The following TTC23L variants were observed in gnomAD, a reference collection of about 807,000 sequenced individuals.
TTC23L encodes the protein tetratricopeptide repeat domain 23 like.
In TTC23L, 42 loss-of-function variants were observed where a neutral mutation model predicts 48.1. The observed-to-expected ratio is 0.87, with a 90% CI of 0.68 to 1.13. The LOEUF is 1.13. TTC23L is among the 50% of genes most tolerant of loss of function. TTC23L has a pLI of 0.00. For synonymous variants in TTC23L, 159 were observed against 157.2 expected (o/e 1.01, Z -0.09); for missense variants, 391 against 421.0 (o/e 0.93, Z 0.62).
chr5:34,903,448 T>G (rs1004397784), downstream of TTC23L, among the ~76,000 whole-genome samples: 15 of 152,116 alleles, frequency 9.9e-5, no homozygotes, highest in Admixed American at 5.9e-4. Context: ...GCGGTACATT[T>G]GTGACAACTG....
At chr5:34,853,809 A>C (rs1759885956) in intron 4 of TTC23L, among the ~76,000 whole-genome samples, 1 of 152,200 alleles carries the variant, frequency 6.6e-6, no homozygotes, top group Admixed American at 6.5e-5. Context: ...AGAGACAAGT[A>C]CACTCCTTGG....
intron 3 of TTC23L, among the ~76,000 whole-genome samples, chr5:34,847,901 A>G (rs1208209200): frequency 6.6e-6 from 1 of 152,206 alleles, no homozygotes; most frequent in Non-Finnish European, 1.5e-5. Context: ...GGAATAACCT[A>G]TGGTACTGCT....
chr5:34,894,883 A>AATGATG (rs79554898), intron 9 of TTC23L, among the ~76,000 whole-genome samples: 4,531 of 150,900 alleles, frequency 0.03, 175 homozygotes, highest in African/African-American at 0.09. Context: ...TGAGAGTGTT[A>AATGATG]ATGATGATGA....
chr5:34,909,603 C>A, the TTC23L span, among the ~76,000 whole-genome samples: 1 of 152,120 alleles, frequency 6.6e-6, no homozygotes, highest in Admixed American at 6.5e-5. Flanking sequence ...AATTTCATTA[C>A]CCTAATCCTA....
chr5:34,899,112 A>G (rs1763406366), intron 10 of TTC23L, among the ~76,000 whole-genome samples: 1 of 152,158 alleles, frequency 6.6e-6, no homozygotes, highest in Non-Finnish European at 1.5e-5. Context: ...TGGCTCAAAT[A>G]TCCCTGGTTT....
At chr5:34,915,590 T>C in the TTC23L span, 1 of 1,026,812 alleles carries the variant, frequency 9.7e-7, no homozygotes, top group Non-Finnish European at 1.4e-6. Context: ...GAGCCGCGCG[T>C]GCCGCGCCAC....
chr5:34,873,697 G>T (rs1469607861), intron 8 of TTC23L, among the ~76,000 whole-genome samples: 1 of 152,116 alleles, frequency 6.6e-6, no homozygotes, highest in Non-Finnish European at 1.5e-5. Flanking sequence ...CCACAGAAGG[G>T]CTAAATGAGC....
At chr5:34,907,954 G>A in the TTC23L span, 1 of 152,166 alleles carries the variant, frequency 6.6e-6, no homozygotes, top group Non-Finnish European at 1.5e-5. Context: ...AGGGAAGCTT[G>A]TTAAAATACA....
intron 8 of TTC23L, among the ~76,000 whole-genome samples, chr5:34,879,518 C>T (rs1477239080): frequency 6.6e-6 from 1 of 152,186 alleles, no homozygotes; most frequent in Non-Finnish European, 1.5e-5. Flanking sequence ...CCTTAGTAAA[C>T]ATTACTATCA....
the TTC23L span, among the ~76,000 whole-genome samples, chr5:34,923,564 C>A: frequency 6.6e-6 from 1 of 152,214 alleles, no homozygotes; most frequent in African/African-American, 2.4e-5. Flanking sequence ...AGGCGTGAGC[C>A]ACTACACCCG....
At chr5:34,925,354 T>G in the TTC23L span, 5 of 1,614,046 alleles carry the variant, frequency 3.1e-6, no homozygotes, top group South Asian at 5.5e-5. Flanking sequence ...CAGATGTTTT[T>G]GTAACACCAG....
At chr5:34,914,520 G>T in the TTC23L span, 1 of 657,922 alleles carries the variant, frequency 1.5e-6, no homozygotes, top group Non-Finnish European at 2.5e-6. Context: ...AAAAATTCAA[G>T]TAATGACGTT....
downstream of TTC23L, among the ~76,000 whole-genome samples, chr5:34,903,601 G>A (rs1214366289): frequency 2.0e-5 from 3 of 152,082 alleles, no homozygotes; most frequent in African/African-American, 7.2e-5. Flanking sequence ...TAGTTTCACT[G>A]CCCTAAAAAT....
chr5:34,924,874 G>A, the TTC23L span: 1 of 1,606,324 alleles, frequency 6.2e-7, no homozygotes, highest in Non-Finnish European at 8.5e-7. Flanking sequence ...TGCTCTTGTA[G>A]AAATAGGACC....
intron 3 of TTC23L, among the ~76,000 whole-genome samples, chr5:34,849,181 T>C (rs955870602): frequency 1.3e-5 from 2 of 152,208 alleles, no homozygotes; most frequent in African/African-American, 4.8e-5. Flanking sequence ...AATGATAGAA[T>C]TAGTATATTT....
chr5:34,915,548 C>A, the TTC23L span: 1 of 637,538 alleles, frequency 1.6e-6, no homozygotes, highest in Non-Finnish European at 2.5e-6. Context: ...CCACCTCGGC[C>A]ACCGTCACCA....
At chr5:34,853,906 G>C (rs10521018) in intron 4 of TTC23L, among the ~76,000 whole-genome samples, 13,595 of 152,200 alleles carry the variant, frequency 0.089, 956 homozygotes, top group South Asian at 0.14. Context: ...AACTGAAGAG[G>C]AAGGCATTTG....
At position 34,863,673 on chromosome 5, in the gene TTC23L, A is replaced by G. The variant is rs574374854; in HGVS notation, c.536+619A>G. 6.6e-6 allele frequency among the ~76,000 whole-genome samples: 1 copy of G among 152,242 alleles called. No individual in the cohort carries two copies. The highest frequency in any genetic ancestry group is 2.1e-4 in the South Asian group (1 of 4,832). On this transcript the variant is annotated intron_variant, in intron 5 of 10. Transcript: ENST00000505624. This position sits in a 1 kb window ranked among gnomAD's most constrained non-coding sequence, Gnocchi z 4.1. ...CATGAGGCTGGAGGCCAAGCAAAATAGACAAAACAAGTAGTTCTATAAATC... is the reference window on the plus strand; with the variant it reads ...CATGAGGCTGGAGGCCAAGCAAAATGGACAAAACAAGTAGTTCTATAAATC...
Position 34,863,186 on chromosome 5 carries a change from A to G in TTC23L, c.536+132A>G, listed in dbSNP as rs892672140. On this transcript the variant is annotated intron_variant, in intron 5 of 10. Transcript: ENST00000505624. This position sits in a 1 kb window ranked among gnomAD's most constrained non-coding sequence, Gnocchi z 4.1. ...ATCTGTTCCAACATCAAGGCCCTCC[A>G]TGAGCCTCTCCTCTCCATCTAGAAG... is the stretch of plus-strand genomic sequence containing the variant. 174 of 1,083,114 alleles carry G rather than the reference A, an allele frequency of 1.6e-4. 2 individuals carry two copies. The highest frequency in any genetic ancestry group is 6.1e-4 in the Middle Eastern group (2 of 3,264). The allele number at this position is 1,083,114 out of a possible 1,614,324, so 67.1% of individuals were successfully genotyped here. A position where few individuals can be genotyped will look rare whatever the true frequency, so the allele number is the denominator to read the frequency against.
Sources: gnomAD v4.1 joint callset for allele counts (sites outside exome capture counted in the v4.1 genomes callset) on GRCh38, gnomAD v4.1.1 for gene constraint, Gnocchi (gnomAD v3.1) non-coding constraint, MANE v1.5 for transcripts, NCBI Gene and HGNC (gene_info 2026-07-23, HGNC 2026-07-21) for gene names.